PDE4D: variants seen among roughly 807,000 people sequenced by gnomAD.
The protein encoded by PDE4D is phosphodiesterase 4D, also known as 3',5'-cyclic-AMP phosphodiesterase 4D.
PDE4D carries 24 observed loss-of-function variants against 87.4 expected under a neutral mutation model. That is an observed-to-expected ratio of 0.27 (90% CI 0.20 to 0.39). The LOEUF is 0.39. Among genes scored for constraint, PDE4D ranks in the 10% least tolerant of loss-of-function variants. The probability of loss-of-function intolerance (pLI) is 1.00; values close to 1 mark genes in which losing one functional copy is unlikely to be tolerated. For missense variants in PDE4D, 714 were observed against 1,041.0 expected, an observed-to-expected ratio of 0.69 and a Z score of 4.32; for synonymous variants, 384 against 383.2, an observed-to-expected ratio of 1.00 and a Z score of -0.02.
In PDE4D at chr5:60,045,235, T is replaced by G. The variant is rs569125229; in HGVS notation, c.43-56518A>C. Among the ~76,000 whole-genome samples the G allele has an allele frequency of 7.4e-3, 1,126 of 152,216 alleles. 12 individuals carry two copies. The highest frequency in any genetic ancestry group is 0.026 in the African/African-American group (1,081 of 41,552). ...TTTGTTTTTTTCTTGTAAATTTGTT[T>G]GAGTTCATTGTAGATTCTGGATATT... On this transcript the variant is annotated intron_variant, in intron 2 of 16. Coordinates refer to the PDE4D transcript ENST00000502484.
chr5:59,058,251 A>G (rs965254015), intron 5 of PDE4D, among the ~76,000 whole-genome samples: 6 of 152,160 alleles, frequency 3.9e-5, no homozygotes, highest in Non-Finnish European at 5.9e-5. Context: ...GAATATGAAT[A>G]TGGTTGAGGG....
At chr5:59,131,369 A>C (rs1776236787) in intron 5 of PDE4D, among the ~76,000 whole-genome samples, 2 of 152,164 alleles carry the variant, frequency 1.3e-5, no homozygotes, top group Non-Finnish European at 2.9e-5. Flanking sequence ...TGACTGATAC[A>C]CAAGTACTAG....
chr5:60,418,444 A>G lies in PDE4D; in HGVS notation c.-90+69498T>C, dbSNP rs78890595. Among the ~76,000 whole-genome samples, 1,341 of 152,276 alleles carry G rather than the reference A, an allele frequency of 8.8e-3. 15 individuals are homozygous for G. The highest frequency in any genetic ancestry group is 0.03 in the African/African-American group (1,262 of 41,538). On this transcript the variant is annotated intron_variant, in intron 1 of 16. Transcript: ENST00000502484. The stretch of plus-strand genomic sequence containing the variant: ...TAGGAAAATCAACCACAGCAACCAC[A>G]GTAATAATAATAACTCTAATTTATA...
chr5:59,389,732 A>G (rs189090562), intron 1 of PDE4D, among the ~76,000 whole-genome samples: 95 of 152,200 alleles, frequency 6.2e-4, no homozygotes, highest in Admixed American at 1.5e-3. Flanking sequence ...TCATTACAAT[A>G]AGTGAAATGA....
intron 1 of PDE4D, among the ~76,000 whole-genome samples, chr5:59,676,546 C>T (rs1404608835): frequency 6.6e-6 from 1 of 152,120 alleles, no homozygotes; most frequent in East Asian, 1.9e-4. Context: ...GAAGGATTTT[C>T]TAATTTTACA....
intron 1 of PDE4D, among the ~76,000 whole-genome samples, chr5:59,363,013 A>G (rs923000308): frequency 1.3e-5 from 2 of 152,170 alleles, no homozygotes; most frequent in Admixed American, 1.3e-4. Context: ...TTACTTGGAC[A>G]CTTCCTGTGC....
intron 2 of PDE4D, among the ~76,000 whole-genome samples, chr5:60,026,017 T>C (rs1251737372): frequency 6.6e-6 from 1 of 152,178 alleles, no homozygotes; most frequent in African/African-American, 2.4e-5. Context: ...ATTCAACTAT[T>C]AAAAAGGTAA....
chr5:60,382,865 C>T (rs1484968680), intron 1 of PDE4D, among the ~76,000 whole-genome samples: 1 of 152,122 alleles, frequency 6.6e-6, no homozygotes, highest in African/African-American at 2.4e-5. Flanking sequence ...GCCAGTTGCA[C>T]CCTGCTACAC....
At chr5:59,623,497 T>C (rs1830563295) in intron 1 of PDE4D, among the ~76,000 whole-genome samples, 1 of 152,208 alleles carries the variant, frequency 6.6e-6, no homozygotes, top group Non-Finnish European at 1.5e-5. Flanking sequence ...CTTGGAGCTC[T>C]GTTGTTCTGT....
intron 6 of PDE4D, chr5:58,999,869 T>G: frequency 5.1e-6 from 5 of 986,866 alleles, no homozygotes; most frequent in Non-Finnish European, 6.0e-6. Flanking sequence ...TAATGAATAA[T>G]GTATGTCAAG....
chr5:60,445,482 C>A (rs1745574459), intron 1 of PDE4D, among the ~76,000 whole-genome samples: 2 of 152,002 alleles, frequency 1.3e-5, no homozygotes, highest in South Asian at 4.2e-4. Context: ...AAAATAAATT[C>A]CAGATGGATT....
chr5:59,350,052 ATGT>A (rs1780264111), intron 1 of PDE4D, among the ~76,000 whole-genome samples: 2 of 152,164 alleles, frequency 1.3e-5, no homozygotes, highest in Non-Finnish European at 2.9e-5. Flanking sequence ...TTCTACAAAA[ATGT>A]TGTTTACAAA....
At chr5:59,133,740 C>G (rs1180243442) in intron 5 of PDE4D, among the ~76,000 whole-genome samples, 2 of 152,138 alleles carry the variant, frequency 1.3e-5, no homozygotes, top group Non-Finnish European at 2.9e-5. Flanking sequence ...CCTCCCCATC[C>G]TTGCGGGCTT....
intron 1 of PDE4D, among the ~76,000 whole-genome samples, chr5:60,264,206 T>C (rs1442454208): frequency 6.6e-6 from 1 of 152,100 alleles, no homozygotes; most frequent in Non-Finnish European, 1.5e-5. Flanking sequence ...TAAGACCCAA[T>C]GATCTGAAAA....
At chr5:59,277,447 CTT>C (rs1161429096) in intron 1 of PDE4D, among the ~76,000 whole-genome samples, 1 of 151,990 alleles carries the variant, frequency 6.6e-6, no homozygotes, top group Admixed American at 6.6e-5. Flanking sequence ...TTTTTGGAAA[CTT>C]AAAAGTTTTG....
chr5:59,019,677 T>C (rs1754710921), intron 6 of PDE4D, among the ~76,000 whole-genome samples: 1 of 152,172 alleles, frequency 6.6e-6, no homozygotes, highest in African/African-American at 2.4e-5. Context: ...GATGCCTATA[T>C]AAATCCTCAG....
chr5:59,145,852 C>T (rs915438940), intron 5 of PDE4D, among the ~76,000 whole-genome samples: 4 of 152,110 alleles, frequency 2.6e-5, no homozygotes, highest in South Asian at 2.1e-4. Context: ...TCTGGCTGGG[C>T]GCAGTGGCTC....
chr5:60,179,988 T>C (rs1784249973), intron 2 of PDE4D, among the ~76,000 whole-genome samples: 1 of 152,194 alleles, frequency 6.6e-6, no homozygotes, highest in South Asian at 2.1e-4. Flanking sequence ...TTCTCTCCAT[T>C]TTTTTGTATC....
intron 1 of PDE4D, among the ~76,000 whole-genome samples, chr5:59,834,867 G>A (rs1307839463): frequency 6.6e-6 from 1 of 152,056 alleles, no homozygotes; most frequent in Non-Finnish European, 1.5e-5. Flanking sequence ...AGGCAGTGAA[G>A]TCTGTGTCCC....
Sources: gnomAD v4.1 joint callset for allele counts (sites outside exome capture counted in the v4.1 genomes callset) on GRCh38, gnomAD v4.1.1 for gene constraint, MANE v1.5 for transcripts, NCBI Gene and HGNC (gene_info 2026-07-23, HGNC 2026-07-21) for gene names.